PIK3R1: variants seen among roughly 807,000 people sequenced by gnomAD.
PIK3R1 encodes the protein phosphatidylinositol 3-kinase regulatory subunit alpha.
Under a neutral mutation model 98.0 loss-of-function variants are expected in PIK3R1, and 29 were observed. The observed-to-expected ratio is 0.30, with a 90% CI of 0.22 to 0.40. PIK3R1 has a LOEUF of 0.40. PIK3R1 is among the 10% of genes least tolerant of loss of function. The pLI is 1.00. For missense variants in PIK3R1, 596 were observed against 872.7 expected, an observed-to-expected ratio of 0.68 and a Z score of 3.99; for synonymous variants, 282 against 311.8, an observed-to-expected ratio of 0.90 and a Z score of 1.01.
intron 1 of PIK3R1, among the ~76,000 whole-genome samples, chr5:68,221,886 A>T (rs550463932): frequency 8.5e-5 from 13 of 152,242 alleles, no homozygotes; most frequent in Non-Finnish European, 1.6e-4. Context: ...CATTAGAAGG[A>T]TTGAAAGACT....
chr5:68,263,673 T>A (rs1438206035), intron 2 of PIK3R1, among the ~76,000 whole-genome samples: 1 of 152,220 alleles, frequency 6.6e-6, no homozygotes, highest in Non-Finnish European at 1.5e-5. Context: ...AATTGTTACC[T>A]TTTAATATAT....
At chr5:68,248,429 C>G (rs1484406215) in intron 2 of PIK3R1, among the ~76,000 whole-genome samples, 1 of 152,074 alleles carries the variant, frequency 6.6e-6, no homozygotes, top group African/African-American at 2.4e-5. Context: ...CCTCATTGTC[C>G]TCTGTATCTA....
At chr5:68,234,720 T>C (rs569198542) in intron 2 of PIK3R1, among the ~76,000 whole-genome samples, 57 of 152,226 alleles carry the variant, frequency 3.7e-4, no homozygotes, top group Non-Finnish European at 6.3e-4. Context: ...TATATATTTG[T>C]TAAATTTTCC....
chr5:68,288,451 G>A (rs1352611010), intron 7 of PIK3R1: 2 of 1,277,890 alleles, frequency 1.6e-6, no homozygotes, highest in Non-Finnish European at 2.0e-6. Flanking sequence ...TTCTCAATGA[G>A]GAGCCGGCAG....
chr5:68,227,031 C>T, intron 2 of PIK3R1, 22 bp downstream of exon 2: 2 of 1,556,574 alleles, frequency 1.3e-6, no homozygotes, highest in Non-Finnish European at 1.7e-6. Flanking sequence ...TAAGTGGTTG[C>T]TTAATGACTC....
chr5:68,284,854 A>G, intron 7 of PIK3R1, among the ~76,000 whole-genome samples: 1 of 144,322 alleles, frequency 6.9e-6, no homozygotes, highest in African/African-American at 2.5e-5. Flanking sequence ...ATCCTGGGAA[A>G]TAAGGATTCT....
At chr5:68,280,472 A>C (rs1020071574) in intron 5 of PIK3R1, 56 bp from the exon 6 acceptor site, 2 of 1,223,626 alleles carry the variant, frequency 1.6e-6, no homozygotes, top group African/African-American at 3.0e-5. Flanking sequence ...TTATTCACTG[A>C]TACCTGGAAG....
At chr5:68,294,979 T>C (rs910774300) in intron 12 of PIK3R1, among the ~76,000 whole-genome samples, 169 bp from the exon 13 acceptor site, 2 of 102,842 alleles carry the variant, frequency 1.9e-5, no homozygotes, top group African/African-American at 4.0e-5. Flanking sequence ...AAAAATAAAA[T>C]AAAATAAAAT....
intron 2 of PIK3R1, among the ~76,000 whole-genome samples, chr5:68,249,328 A>G (rs1208472902): frequency 6.6e-6 from 1 of 152,220 alleles, no homozygotes; most frequent in African/African-American, 2.4e-5. Context: ...TTTCTACTCA[A>G]TCAACTTTTA....
chr5:68,295,495 A>C lies in PIK3R1; in HGVS notation c.1814+7A>C. ...GCAATGAAAACACTGAAGAGTAAGTAGTTACTAAAGATGGTGATAGCAGAA... is the reference window on the plus strand; with the variant it reads ...GCAATGAAAACACTGAAGAGTAAGTCGTTACTAAAGATGGTGATAGCAGAA... On this transcript the variant is annotated splice_region_variant and intron_variant, in intron 14 of 15. Transcript: ENST00000521381. 1 of 1,611,062 alleles carries C rather than the reference A, an allele frequency of 6.2e-7. No individual in the cohort carries two copies. Among genetic ancestry groups the C allele is most frequent in the African/African-American group, 1.3e-5 (1 of 75,018 alleles).
In PIK3R1 at chr5:68,299,401, C is replaced by T. The variant is rs1341918605; in HGVS notation, c.*1800C>T. The T allele has an allele frequency of 2.6e-5, 6 of 233,318 alleles. 1 individual carries two copies. Among genetic ancestry groups the T allele is most frequent in the Admixed American group, 1.7e-4 (3 of 17,768 alleles). The allele number at this position is 233,318 out of a possible 1,614,324, so 14.5% of individuals were successfully genotyped here. Reference sequence around the variant, plus strand: ...CAGGAATCCAAGTGGCAGTCCTTCTCATTCATTCTAATCATTGTATGTGCT... The same window carrying T: ...CAGGAATCCAAGTGGCAGTCCTTCTTATTCATTCTAATCATTGTATGTGCT... On this transcript the variant is annotated 3_prime_UTR_variant, in exon 16 of 16. Coordinates refer to ENST00000521381, the MANE Select transcript of PIK3R1 (RefSeq NM_181523.3).
chr5:68,256,299 G>A (rs1185030752), intron 2 of PIK3R1, among the ~76,000 whole-genome samples: 2 of 152,092 alleles, frequency 1.3e-5, no homozygotes, highest in South Asian at 2.1e-4. Context: ...GCGCAGTCTC[G>A]GCTCACTGCA....
Position 68,218,404 on chromosome 5 carries a change from C to T in PIK3R1, c.-387+2455C>T, listed in dbSNP as rs556021967. 5.3e-5 allele frequency among the ~76,000 whole-genome samples: 8 copies of T among 152,076 alleles called. No individual in the cohort carries two copies. The South Asian group carries it at 1.7e-3, about 32-fold the overall frequency. On this transcript the variant is annotated intron_variant, in intron 1 of 15. Coordinates refer to ENST00000521381, the MANE Select transcript of PIK3R1 (RefSeq NM_181523.3). Reference sequence around the variant, plus strand: ...TTTTTAGGTTGATATGTTGATTGAACATATCAACCTAAATTGATATGTTCA... The same window carrying T: ...TTTTTAGGTTGATATGTTGATTGAATATATCAACCTAAATTGATATGTTCA...
intron 7 of PIK3R1, 157 bp from the exon 8 acceptor site, chr5:68,292,101 TA>T (rs1421096546): frequency 6.8e-5 from 31 of 454,762 alleles, no homozygotes; most frequent in Non-Finnish European, 1.2e-4. Flanking sequence ...AGATTTTTTT[TA>T]AGAAAATTAT....
intron 2 of PIK3R1, among the ~76,000 whole-genome samples, chr5:68,261,404 A>G (rs1157155952): frequency 2.0e-5 from 3 of 152,018 alleles, no homozygotes; most frequent in Non-Finnish European, 4.4e-5. Flanking sequence ...GGCCTCATCT[A>G]TTGTCTAAAT....
At chr5:68,249,846 A>T (rs1325711276) in intron 2 of PIK3R1, among the ~76,000 whole-genome samples, 1 of 152,198 alleles carries the variant, frequency 6.6e-6, no homozygotes, top group Non-Finnish European at 1.5e-5. Flanking sequence ...CAGTTGATAG[A>T]CTATTTGGTG....
At chr5:68,295,875 C>A (rs1747684674) in intron 14 of PIK3R1, 2 of 464,362 alleles carry the variant, frequency 4.3e-6, no homozygotes, top group African/African-American at 3.9e-5. Flanking sequence ...CTGATCTAAA[C>A]TGGATAAACG....
At chr5:68,267,206 A>G (rs543333152) in intron 2 of PIK3R1, among the ~76,000 whole-genome samples, 1 of 152,324 alleles carries the variant, frequency 6.6e-6, no homozygotes, top group South Asian at 2.1e-4. Context: ...AAGGATCACA[A>G]TTAATTAGGC....
chr5:68,270,379 G>A (rs866140988), intron 2 of PIK3R1, among the ~76,000 whole-genome samples: 3 of 152,046 alleles, frequency 2.0e-5, no homozygotes, highest in Admixed American at 6.6e-5. Flanking sequence ...CAACTTTTGG[G>A]TGCATATTTC....
Sources: gnomAD v4.1 joint callset for allele counts (sites outside exome capture counted in the v4.1 genomes callset) on GRCh38, gnomAD v4.1.1 for gene constraint, MANE v1.5 for transcripts, NCBI Gene and HGNC (gene_info 2026-07-23, HGNC 2026-07-21) for gene names.